Variants in FUBP3 observed in about 807,000 individuals in gnomAD.
FUBP3 encodes the protein far upstream element binding protein 3.
A neutral mutation model predicts 85.6 loss-of-function variants in FUBP3; 28 were observed. That is an observed-to-expected ratio of 0.33 (90% CI 0.24 to 0.45). FUBP3 has a LOEUF of 0.45. Among genes scored for constraint, FUBP3 ranks in the 20% least tolerant of loss-of-function variants. The probability of loss-of-function intolerance (pLI) is 1.00; values close to 1 mark genes in which losing one functional copy is unlikely to be tolerated. For missense variants in FUBP3, 583 were observed against 755.1 expected, an observed-to-expected ratio of 0.77 and a Z score of 2.67; for synonymous variants, 271 against 271.4, an observed-to-expected ratio of 1.00 and a Z score of 0.01.
intron 12 of FUBP3, among the ~76,000 whole-genome samples, chr9:130,628,092 A>ACGCGCG (rs1235378741): frequency 1.7e-5 from 2 of 115,640 alleles, no homozygotes; most frequent in South Asian, 5.5e-4. Context: ...ACACGCACGC[A>ACGCGCG]CGCACGCACG....
Position 130,616,511 on chromosome 9 carries a change from G to T in FUBP3, c.561G>T (p.Gln187His). The change falls in exon 7 of 19, where the codon CAG (glutamine) becomes CAT (histidine). Residue 187 changes from glutamine (Q) to histidine (H), a missense_variant. Gln to His is a conservative substitution (Grantham distance 24). This residue lies in a region of FUBP3 where 404 missense variants were observed against 516.8 expected (regional missense o/e 0.78). Coordinates refer to ENST00000319725, the MANE Select transcript of FUBP3 (RefSeq NM_003934.2). This position sits in a 1 kb window ranked among gnomAD's most constrained non-coding sequence, Gnocchi z 4.7. The part of the protein sequence containing the change: ...VIGRGGETIK[Q>H]LQERTGVKMV... ...GCAGAGGAGGGGAAACAATCAAGCA[G>T]TTGCAGGTGTGTGAGCCCGGAGCAC... The T allele has an allele frequency of 6.2e-7, 1 of 1,614,100 alleles. No homozygotes were observed. Among genetic ancestry groups the T allele is most frequent in the South Asian group, 1.1e-5 (1 of 91,086 alleles).
intron 1 of FUBP3, among the ~76,000 whole-genome samples, chr9:130,589,677 A>G (rs13292793): frequency 0.1 from 2,312 of 22,376 alleles, 33 homozygotes; most frequent in East Asian, 0.3. Flanking sequence ...ATGTGTGTGT[A>G]TATATATATA....
At chr9:130,631,715 G>T in intron 14 of FUBP3, 85 bp downstream of exon 14, 1 of 1,107,748 alleles carries the variant, frequency 9.0e-7, no homozygotes. Flanking sequence ...TCTAGCGAGT[G>T]CCAGCCAAGG....
chr9:130,623,484 A>G (rs1249935334), intron 10 of FUBP3, 127 bp from the exon 11 acceptor site: 1 of 659,994 alleles, frequency 1.5e-6, no homozygotes, highest in East Asian at 2.6e-5. Flanking sequence ...GAGTCCCTGC[A>G]GCTGGCAGTA....
intron 2 of FUBP3, among the ~76,000 whole-genome samples, chr9:130,609,328 G>A (rs1455126814): frequency 2.0e-5 from 3 of 152,102 alleles, no homozygotes; most frequent in Admixed American, 6.5e-5. Context: ...GGCTTGAAAG[G>A]CAGTTGCTCA....
rs1363956500 is a variant in FUBP3 at position 130,622,822 on chromosome 9, GA to G, written c.874+13del. The G allele has an allele frequency of 7.9e-7, 1 of 1,259,242 alleles. No individual in the cohort carries two copies. The highest frequency in any genetic ancestry group is 1.1e-6 in the Non-Finnish European group (1 of 890,252). The allele number at this position is 1,259,242 out of a possible 1,614,324, so 78.0% of individuals were successfully genotyped here. On this transcript the variant is annotated intron_variant, in intron 10 of 18. Transcript: ENST00000319725. ...TCAGTTTAAACCAGGTGGGTATGAT[GA>G]TTTAAAAATCCTTAGTGTTAAAAAA...
intron 2 of FUBP3, among the ~76,000 whole-genome samples, chr9:130,598,754 A>C (rs995038950): frequency 6.6e-6 from 1 of 152,222 alleles, no homozygotes; most frequent in Non-Finnish European, 1.5e-5. Context: ...CTTTGTAAAT[A>C]CACACGAATT....
intron 9 of FUBP3, 117 bp from the exon 10 acceptor site, chr9:130,622,591 A>T (rs1829804258): frequency 4.0e-6 from 2 of 498,062 alleles, no homozygotes; most frequent in Non-Finnish European, 7.3e-6. Flanking sequence ...AGATTGTGCC[A>T]CTGCACTCCA....
intron 2 of FUBP3, among the ~76,000 whole-genome samples, chr9:130,604,829 T>G (rs2018425): frequency 1.3e-5 from 2 of 148,440 alleles, no homozygotes; most frequent in African/African-American, 2.5e-5. Flanking sequence ...ACCCAGGAGG[T>G]GGAGATTGCA....
intron 13 of FUBP3, 60 bp from the exon 14 acceptor site, chr9:130,631,496 TG>T: frequency 6.7e-7 from 1 of 1,498,178 alleles, no homozygotes; most frequent in Non-Finnish European, 9.3e-7. Flanking sequence ...GGGGTGGGCC[TG>T]GGCAGAGGAA....
In FUBP3 at chr9:130,595,477, CT is replaced by C; in HGVS notation, c.85-5del. ...ACTGAGTGTTTAAATCTGATTCTCT[CT>C]GTAGATTGCTGCTAAAATTGATTCA... On this transcript the variant is annotated splice_polypyrimidine_tract_variant and splice_region_variant and intron_variant, in intron 1 of 18. Coordinates refer to ENST00000319725, the MANE Select transcript of FUBP3 (RefSeq NM_003934.2). 7.2e-7 allele frequency: 1 copy of C among 1,384,140 alleles called. No individual in the cohort carries two copies. The highest frequency in any genetic ancestry group is 1.0e-6 in the Non-Finnish European group (1 of 969,914). 85.7% of individuals were successfully genotyped at this position (1,384,140 alleles called of 1,614,324 possible). A position where few individuals can be genotyped will look rare whatever the true frequency, so the allele number is the denominator to read the frequency against.
At chr9:130,590,201 G>GTC (rs1830565233) in intron 1 of FUBP3, among the ~76,000 whole-genome samples, 1 of 152,028 alleles carries the variant, frequency 6.6e-6, no homozygotes, top group Non-Finnish European at 1.5e-5. Context: ...ATTCATCCGT[G>GTC]TATCTCCCAA....
At chr9:130,600,293 TGTG>T (rs1302675543) in intron 2 of FUBP3, among the ~76,000 whole-genome samples, 1 of 152,136 alleles carries the variant, frequency 6.6e-6, no homozygotes, top group Non-Finnish European at 1.5e-5. Flanking sequence ...GCCTACGTGA[TGTG>T]GCCATAAAGA....
rs1433265840 is a variant in FUBP3 at position 130,635,345 on chromosome 9, G to C, written c.1582+607G>C. Among the ~76,000 whole-genome samples, 1 of 152,212 alleles carries C rather than the reference G, an allele frequency of 6.6e-6. No individual in the cohort carries two copies. Among genetic ancestry groups the C allele is most frequent in the Non-Finnish European group, 1.5e-5 (1 of 68,044 alleles). On this transcript the variant is annotated intron_variant, in intron 17 of 18. Coordinates refer to ENST00000319725, the MANE Select transcript of FUBP3 (RefSeq NM_003934.2). This position sits in a 1 kb window ranked among gnomAD's most constrained non-coding sequence, Gnocchi z 4.3. ...ACCAGACTCTCGGGATATATCCCAC[G>C]ATTACTAGACCGGAGGACTGAGGGC...
chr9:130,614,376 C>T (rs1831897042), intron 6 of FUBP3, 31 bp downstream of exon 6: 2 of 1,358,556 alleles, frequency 1.5e-6, no homozygotes, highest in South Asian at 1.2e-5. Context: ...TTTTCTTTCA[C>T]TCTTCTTCCT....
At chr9:130,618,946 C>T (rs977491379) in intron 8 of FUBP3, among the ~76,000 whole-genome samples, 2 of 152,216 alleles carry the variant, frequency 1.3e-5, no homozygotes, top group Non-Finnish European at 2.9e-5. Flanking sequence ...TCACTTCCAT[C>T]GGGCCAGAGT....
intron 2 of FUBP3, among the ~76,000 whole-genome samples, chr9:130,601,957 A>G (rs1164879543): frequency 2.0e-5 from 3 of 151,784 alleles, no homozygotes; most frequent in Admixed American, 2.0e-4. Flanking sequence ...GTGCGCCACC[A>G]CAACTAGCTA....
chr9:130,620,205 C>A, intron 8 of FUBP3, 149 bp from the exon 9 acceptor site: 1 of 514,278 alleles, frequency 1.9e-6, no homozygotes. Context: ...ACACATCCCC[C>A]TACATGTCCC....
Position 130,624,635 on chromosome 9 carries a change from G to A in FUBP3, c.975+924G>A, listed in dbSNP as rs188606688. Among the ~76,000 whole-genome samples, 19 of 151,010 alleles carry A rather than the reference G, an allele frequency of 1.3e-4. 2 individuals carry two copies. The South Asian group carries it at 2.3e-3, about 18-fold the overall frequency. ...TGTGTGTGTGTGTGTGTGTGTGTGTGTGTGTGTGTGTGTGTGTTTTTAAGC... is the reference window on the plus strand; with the variant it reads ...TGTGTGTGTGTGTGTGTGTGTGTGTATGTGTGTGTGTGTGTGTTTTTAAGC... On this transcript the variant is annotated intron_variant, in intron 11 of 18. Transcript: ENST00000319725.
Sources: allele counts gnomAD v4.1 joint callset (sites outside exome capture counted in the v4.1 genomes callset), GRCh38; gene constraint gnomAD v4.1.1; regional missense constraint gnomAD v4.1.1; non-coding constraint Gnocchi (gnomAD v3.1); transcripts MANE v1.5; gene names NCBI Gene and HGNC (gene_info 2026-07-23, HGNC 2026-07-21).